Variants in CARNMT1 observed in about 807,000 individuals in gnomAD.
CARNMT1 encodes the protein protein-L-histidine N-pros-methyltransferase CARNMT1.
In CARNMT1, 28 loss-of-function variants were observed where a neutral mutation model predicts 49.6. That is an observed-to-expected ratio of 0.56 (90% confidence interval 0.42 to 0.77). The LOEUF is 0.77. CARNMT1 is among the 30% of genes least tolerant of loss of function. The probability of loss-of-function intolerance (pLI) is 0.00; values close to 1 mark genes in which losing one functional copy is unlikely to be tolerated. For missense variants in CARNMT1, 421 were observed against 512.6 expected (o/e 0.82, Z 1.73); for synonymous variants, 178 against 175.0 (o/e 1.02, Z -0.13).
chr9:75,027,398 T>C, intron 1 of CARNMT1: 3 of 984,752 alleles, frequency 3.0e-6, no homozygotes, highest in Non-Finnish European at 3.6e-6. Context: ...TAGCAAATTT[T>C]AGAATATCCG....
In CARNMT1 at chr9:75,028,171, C is replaced by A; in HGVS notation, c.71G>T (p.Gly24Val). ...LPEGCGGGGG[G>V]SEEVEVQFSA... ...AAACTGCACTTCCACCTCCTCGCTG[C>A]CACCGCCTCCTCCCCCGCAGCCCTC... The change falls in exon 1 of 8, where the codon GGC (glycine) becomes GTC (valine). Residue 24 changes from glycine (G) to valine (V), a missense_variant. Transcript: ENST00000376834. 1 of 1,523,132 alleles carries A rather than the reference C, an allele frequency of 6.6e-7. No homozygotes were observed. The allele number at this position is 1,523,132 out of a possible 1,614,324, so 94.4% of individuals were successfully genotyped here.
At chr9:75,008,195 A>AG (rs1269475640) in intron 3 of CARNMT1, among the ~76,000 whole-genome samples, 4 of 138,258 alleles carry the variant, frequency 2.9e-5, no homozygotes, top group African/African-American at 1.0e-4. Flanking sequence ...AAAAAAAAAA[A>AG]ACCCTCATAA....
chr9:75,010,777 C>T (rs1833666846), intron 3 of CARNMT1, among the ~76,000 whole-genome samples: 2 of 143,846 alleles, frequency 1.4e-5, no homozygotes, highest in Non-Finnish European at 3.1e-5. Flanking sequence ...CACAGTCAAA[C>T]TGCTAAATAA....
chr9:75,018,897 G>A (rs1274947931), intron 1 of CARNMT1, among the ~76,000 whole-genome samples: 1 of 151,494 alleles, frequency 6.6e-6, no homozygotes, highest in African/African-American at 2.4e-5. Context: ...AACGCGGGAG[G>A]CAGAGGCTGC....
intron 1 of CARNMT1, chr9:75,027,229 T>C: frequency 1.0e-6 from 1 of 983,720 alleles, no homozygotes; most frequent in Non-Finnish European, 1.4e-6. Flanking sequence ...AACATCTATC[T>C]AGAAGAAACG....
At chr9:75,023,840 G>A (rs908615403) in intron 1 of CARNMT1, among the ~76,000 whole-genome samples, 1 of 150,454 alleles carries the variant, frequency 6.6e-6, no homozygotes, top group African/African-American at 2.4e-5. Flanking sequence ...GGCCTTCAGA[G>A]CTTAAAATAT....
intron 3 of CARNMT1, among the ~76,000 whole-genome samples, chr9:75,007,728 C>CAAAAAA (rs201573769): frequency 2.5e-5 from 2 of 80,034 alleles, no homozygotes; most frequent in Admixed American, 1.4e-4. Context: ...GACCCTGTCT[C>CAAAAAA]AAAAAAATAA....
upstream of CARNMT1, chr9:75,028,325 G>C (rs1822594024): frequency 1.5e-6 from 2 of 1,313,514 alleles, no homozygotes; most frequent in Non-Finnish European, 9.6e-7. Context: ...TCCTCTAGAC[G>C]GCGCCCGCCG....
chr9:74,991,721 T>C (rs1833022217), intron 6 of CARNMT1: 1 of 152,106 alleles, frequency 6.6e-6, no homozygotes, highest in Admixed American at 6.6e-5. Flanking sequence ...TATATACAGA[T>C]TTTCAAGTTA....
chr9:74,994,809 A>G (rs1315275855), intron 6 of CARNMT1, among the ~76,000 whole-genome samples: 1 of 152,148 alleles, frequency 6.6e-6, no homozygotes, highest in Non-Finnish European at 1.5e-5. Context: ...ACTATTTTTA[A>G]GGACTGTGTT....
rs1403224034 is a variant in CARNMT1, at chr9:74,981,224, A to C, written c.*2543T>G. The C allele has an allele frequency of 6.6e-6, 1 of 152,126 alleles. No individual in the cohort carries two copies. Among genetic ancestry groups the C allele is most frequent in the Non-Finnish European group, 1.5e-5 (1 of 67,980 alleles). The allele number at this position is 152,126 out of a possible 1,614,324, so 9.4% of individuals were successfully genotyped here. A position where few individuals can be genotyped will look rare whatever the true frequency, so the allele number is the denominator to read the frequency against. On this transcript the variant is annotated 3_prime_UTR_variant, in exon 8 of 8. Transcript: ENST00000376834. ...ACTGTGATTTTTACAGCTTCTCCTT[A>C]TATTGTACATGTTCCACCTTGCTCA...
intron 1 of CARNMT1, among the ~76,000 whole-genome samples, chr9:75,025,253 A>T (rs1338091301): frequency 6.6e-6 from 1 of 152,202 alleles, no homozygotes; most frequent in Non-Finnish European, 1.5e-5. Flanking sequence ...GTATTGCATT[A>T]AATTTGATGA....
At chr9:74,988,166 C>T (rs1587652861) in intron 6 of CARNMT1, among the ~76,000 whole-genome samples, 2 of 152,076 alleles carry the variant, frequency 1.3e-5, no homozygotes, top group South Asian at 2.1e-4. Context: ...ATCCTCTTGC[C>T]TCAGTCTCCC....
At chr9:75,006,890 A>G (rs992331072) in intron 3 of CARNMT1, among the ~76,000 whole-genome samples, 1 of 152,236 alleles carries the variant, frequency 6.6e-6, no homozygotes, top group Non-Finnish European at 1.5e-5. Context: ...TCTTATAATT[A>G]TCTAATAATG....
At chr9:75,003,091 A>G (rs1833408481) in intron 3 of CARNMT1, among the ~76,000 whole-genome samples, 1 of 152,126 alleles carries the variant, frequency 6.6e-6, no homozygotes, top group African/African-American at 2.4e-5. Flanking sequence ...AGTGTTTAGC[A>G]TCTCCTAACT....
intron 1 of CARNMT1, among the ~76,000 whole-genome samples, chr9:75,018,945 C>T (rs1267673484): frequency 3.0e-5 from 4 of 133,676 alleles, no homozygotes; most frequent in Admixed American, 8.8e-5. Flanking sequence ...CCAGCCTGGG[C>T]GACAGAGTGA....
intron 3 of CARNMT1, among the ~76,000 whole-genome samples, chr9:75,002,669 T>A (rs1468841801): frequency 7.2e-5 from 11 of 151,998 alleles, no homozygotes; most frequent in Middle Eastern, 3.4e-3. Context: ...TCAAAAAAAA[T>A]TTTTTTTTAA....
At chr9:75,023,426 T>G (rs955166601) in intron 1 of CARNMT1, among the ~76,000 whole-genome samples, 12 of 152,284 alleles carry the variant, frequency 7.9e-5, no homozygotes, top group African/African-American at 2.9e-4. Flanking sequence ...CCAAGTAATA[T>G]CAAGGTTGCA....
chr9:75,021,313 T>C (rs895433703), intron 1 of CARNMT1, among the ~76,000 whole-genome samples: 13 of 145,520 alleles, frequency 8.9e-5, no homozygotes, highest in Non-Finnish European at 1.8e-4. Context: ...ACTATATACA[T>C]ACCATATATA....
Sources: allele counts gnomAD v4.1 joint callset (sites outside exome capture counted in the v4.1 genomes callset), GRCh38; gene constraint gnomAD v4.1.1; transcripts MANE v1.5; gene names NCBI Gene and HGNC (gene_info 2026-07-23, HGNC 2026-07-21).